TRIM44: variants seen among roughly 807,000 people sequenced by gnomAD.
TRIM44 encodes tripartite motif-containing protein 44.
A neutral mutation model predicts 37.4 loss-of-function variants in TRIM44; 13 were observed. The ratio of observed to expected loss-of-function variants is 0.35; its 90% CI spans 0.23 to 0.55. The LOEUF is 0.55. Among genes scored for constraint, TRIM44 ranks in the 20% least tolerant of loss-of-function variants. The probability of loss-of-function intolerance (pLI) is 0.89; values close to 1 mark genes in which losing one functional copy is unlikely to be tolerated. For missense variants in TRIM44, 426 were observed against 437.2 expected, an observed-to-expected ratio of 0.97 and a Z score of 0.23; for synonymous variants, 175 against 157.2, an observed-to-expected ratio of 1.11 and a Z score of -0.85.
At chr11:35,782,090 A>T (rs1853073125) in intron 4 of TRIM44, among the ~76,000 whole-genome samples, 1 of 152,232 alleles carries the variant, frequency 6.6e-6, no homozygotes. Context: ...GATACATTTT[A>T]ACCATCTAAT....
At chr11:35,675,912 T>C (rs946217253) in intron 1 of TRIM44, among the ~76,000 whole-genome samples, 4 of 152,088 alleles carry the variant, frequency 2.6e-5, no homozygotes, top group African/African-American at 7.2e-5. Context: ...CCTGGCCTTA[T>C]CTAGTTGCAA....
At chr11:35,710,134 C>A (rs2094445802) in intron 2 of TRIM44, among the ~76,000 whole-genome samples, 1 of 152,116 alleles carries the variant, frequency 6.6e-6, no homozygotes, top group African/African-American at 2.4e-5. Context: ...CAGGCGCATA[C>A]TCCTAAATTA....
chr11:35,783,900 G>A (rs1853096048), intron 4 of TRIM44, among the ~76,000 whole-genome samples: 1 of 152,116 alleles, frequency 6.6e-6, no homozygotes. Flanking sequence ...CACGTTTTGG[G>A]GTGCCCCAAG....
intron 4 of TRIM44, among the ~76,000 whole-genome samples, chr11:35,755,164 C>G (rs536994383): frequency 1.3e-5 from 2 of 152,264 alleles, no homozygotes; most frequent in African/African-American, 4.8e-5. Flanking sequence ...TCTCCAGCAC[C>G]TGTTGTTTCC....
chr11:35,779,369 G>A (rs896859771), intron 4 of TRIM44, among the ~76,000 whole-genome samples: 2 of 152,134 alleles, frequency 1.3e-5, no homozygotes, highest in Admixed American at 1.3e-4. Context: ...CTAGGAAAGG[G>A]AATTCCCTGA....
chr11:35,754,457 C>T lies in TRIM44; in HGVS notation c.1007+19012C>T, dbSNP rs143619667. On this transcript the variant is annotated intron_variant, in intron 4 of 4. Coordinates refer to ENST00000299413, the MANE Select transcript of TRIM44 (RefSeq NM_017583.6). The stretch of plus-strand genomic sequence containing the variant: ...TTCTTTCAAGGTCCCATTTAGTTGC[C>T]TCTTCTTCCATGAATCCGTCTTTGA... Among the ~76,000 whole-genome samples, 537 of 152,226 alleles carry T rather than the reference C, an allele frequency of 3.5e-3. 6 individuals carry two copies. The highest frequency in any genetic ancestry group is 0.012 in the African/African-American group (501 of 41,542).
At chr11:35,704,233 A>G (rs1388204507) in intron 2 of TRIM44, among the ~76,000 whole-genome samples, 1 of 152,214 alleles carries the variant, frequency 6.6e-6, no homozygotes, top group Admixed American at 6.5e-5. Flanking sequence ...AGGAACGAAC[A>G]AAGCCTCCAT....
intron 4 of TRIM44, among the ~76,000 whole-genome samples, chr11:35,744,051 T>A (rs546373830): frequency 1.3e-5 from 2 of 152,358 alleles, no homozygotes; most frequent in African/African-American, 4.8e-5. Context: ...ATATTTGCCC[T>A]AGTGTACACT....
In TRIM44 at chr11:35,808,751, T is replaced by C. The variant is rs1853488689; in HGVS notation, c.*2366T>C. The C allele has an allele frequency of 6.6e-6, 1 of 152,252 alleles. No homozygotes were observed. 9.4% of individuals were successfully genotyped at this position (152,252 alleles called of 1,614,324 possible). On this transcript the variant is annotated 3_prime_UTR_variant, in exon 5 of 5. Transcript: ENST00000299413. ...TTAACCAGGGAAGCATTAAACACAG[T>C]GCAGCAGCTTTTGCCCAGGCTTCTA...
At chr11:35,699,777 G>A (rs991477800) in intron 2 of TRIM44, among the ~76,000 whole-genome samples, 3 of 151,802 alleles carry the variant, frequency 2.0e-5, no homozygotes, top group Admixed American at 6.6e-5. Flanking sequence ...AAATCAATGT[G>A]CAAAAATCAC....
intron 2 of TRIM44, among the ~76,000 whole-genome samples, chr11:35,687,866 A>G (rs2135492218): frequency 6.6e-6 from 1 of 152,226 alleles, no homozygotes; most frequent in East Asian, 1.9e-4. Flanking sequence ...GCCCTGGATC[A>G]TTTACTACCA....
chr11:35,744,962 G>T (rs1852468088), intron 4 of TRIM44, among the ~76,000 whole-genome samples: 1 of 152,130 alleles, frequency 6.6e-6, no homozygotes, highest in Non-Finnish European at 1.5e-5. Flanking sequence ...TCTTTATCCA[G>T]TCTATCAGTG....
At chr11:35,742,424 A>C (rs1334798723) in intron 4 of TRIM44, among the ~76,000 whole-genome samples, 1 of 140,796 alleles carries the variant, frequency 7.1e-6, no homozygotes, top group Non-Finnish European at 1.5e-5. Context: ...ATTAATGTTA[A>C]TATATTAATA....
chr11:35,735,394 T>G, intron 3 of TRIM44, 32 bp from the exon 4 acceptor site: 1 of 1,612,128 alleles, frequency 6.2e-7, no homozygotes, highest in Non-Finnish European at 8.5e-7. Flanking sequence ...AACAGTGATT[T>G]CTAATACTGT....
chr11:35,802,482 C>A (rs1023500934), intron 4 of TRIM44, among the ~76,000 whole-genome samples: 2 of 152,102 alleles, frequency 1.3e-5, no homozygotes, highest in Admixed American at 6.5e-5. Flanking sequence ...AGAGCACAGG[C>A]ATGTTTCTGA....
intron 1 of TRIM44, among the ~76,000 whole-genome samples, chr11:35,678,869 G>A (rs1590498109): frequency 6.6e-6 from 1 of 151,972 alleles, no homozygotes; most frequent in Admixed American, 6.6e-5. Flanking sequence ...CAAAGTGCTG[G>A]GATTACAGGT....
chr11:35,664,690 G>A (rs1336690351), intron 1 of TRIM44, among the ~76,000 whole-genome samples: 2 of 152,124 alleles, frequency 1.3e-5, no homozygotes, highest in Non-Finnish European at 2.9e-5. Context: ...CTTTTTTAGT[G>A]CCTATTTATA....
intron 4 of TRIM44, among the ~76,000 whole-genome samples, chr11:35,792,627 G>A (rs1296689501): frequency 6.6e-6 from 1 of 152,328 alleles, no homozygotes; most frequent in African/African-American, 2.4e-5. Flanking sequence ...AGTTATGAGA[G>A]CTGCCATATG....
At chr11:35,748,871 G>A (rs1852527510) in intron 4 of TRIM44, among the ~76,000 whole-genome samples, 1 of 152,160 alleles carries the variant, frequency 6.6e-6, no homozygotes, top group Non-Finnish European at 1.5e-5. Flanking sequence ...GTGGGGTAAA[G>A]CTCAGAAGAA....
Sources: gnomAD v4.1 joint callset for allele counts (sites outside exome capture counted in the v4.1 genomes callset) on GRCh38, gnomAD v4.1.1 for gene constraint, MANE v1.5 for transcripts, NCBI Gene and HGNC (gene_info 2026-07-23, HGNC 2026-07-21) for gene names.